Variants in IGDCC3 observed in about 807,000 individuals in gnomAD.
IGDCC3 encodes the protein immunoglobulin superfamily DCC subclass member 3.
IGDCC3 carries 47 observed loss-of-function variants against 72.0 expected under a neutral mutation model. That is an observed-to-expected ratio of 0.65 (90% CI 0.52 to 0.83). IGDCC3 has a LOEUF of 0.83. Ranked by LOEUF, IGDCC3 falls within the 40% of genes least tolerant of loss-of-function variation. The pLI is 0.00. For synonymous variants in IGDCC3, 477 were observed against 472.8 expected, an observed-to-expected ratio of 1.01 and a Z score of -0.11; for missense variants, 1,038 against 1,091.3, an observed-to-expected ratio of 0.95 and a Z score of 0.69.
chr15:65,339,803 T>C lies in IGDCC3; in HGVS notation c.410-3847A>G, dbSNP rs2091063529. The stretch of plus-strand genomic sequence containing the variant: ...GCACGTGACAGTGGTGCTGTGACTT[T>C]GGCTCTTGATGCTTTACACTCCTGC... On this transcript the variant is annotated intron_variant, in intron 2 of 13. Transcript: ENST00000327987. The surrounding 1 kb of genome is among the most constrained non-coding windows in gnomAD (Gnocchi z 4.1). 6.6e-6 allele frequency among the ~76,000 whole-genome samples: 1 copy of C among 152,242 alleles called. No homozygotes were observed. Among genetic ancestry groups the C allele is most frequent in the African/African-American group, 2.4e-5 (1 of 41,466 alleles).
At position 65,329,576 on chromosome 15, in the gene IGDCC3, C is replaced by T; in HGVS notation, c.2019G>A (p.Val673=). ...QRGRVLLCKD[V]ENQLSPPQGP... ...CCTGTGGAGGGGACAGCTGGTTTTC[C>T]ACATCTTTACACAGGAGGACCCTAA... The change falls in exon 13 of 14, where the codon GTG becomes GTA. Residue 673 remains valine, a synonymous_variant. Coordinates refer to ENST00000327987, the MANE Select transcript of IGDCC3 (RefSeq NM_004884.4). The surrounding 1 kb of genome is among the most constrained non-coding windows in gnomAD (Gnocchi z 4.1). 10 of 1,612,060 alleles carry T rather than the reference C, an allele frequency of 6.2e-6. No homozygotes were observed. Among genetic ancestry groups the T allele is most frequent in the Non-Finnish European group, 8.5e-6 (10 of 1,179,500 alleles).
chr15:65,375,355 C>T lies in IGDCC3; in HGVS notation c.151G>A (p.Asp51Asn). ...ATAGGCTGCCCGGGGACGGCAACAT[C>T]ATCACTTGGCTCCACAGCAAATGCC... Reference protein sequence around the residue: ...ELAFAVEPSDDVAVPGQPIVL... With the variant: ...ELAFAVEPSDNVAVPGQPIVL... The change falls in exon 2 of 14, where the codon GAT becomes AAT. Residue 51 changes from aspartate (D) to asparagine (N), a missense_variant. By Grantham distance (23) the Asp-to-Asn change is conservative (BLOSUM62 1). Coordinates refer to ENST00000327987, the MANE Select transcript of IGDCC3 (RefSeq NM_004884.4). The T allele has an allele frequency of 6.2e-7, 1 of 1,609,514 alleles. No individual in the cohort carries two copies. Among genetic ancestry groups the T allele is most frequent in the Non-Finnish European group, 8.5e-7 (1 of 1,176,248 alleles).
intron 2 of IGDCC3, among the ~76,000 whole-genome samples, chr15:65,348,487 G>A (rs1388248721): frequency 3.3e-5 from 5 of 152,146 alleles, no homozygotes; most frequent in African/African-American, 7.2e-5. Context: ...TGGAAGGGAC[G>A]ATACCGAGGA....
chr15:65,330,164 A>G, intron 11 of IGDCC3, 129 bp downstream of exon 11: 2 of 752,646 alleles, frequency 2.7e-6, no homozygotes, highest in Non-Finnish European at 4.5e-6. Context: ...TCACACAGCC[A>G]GCATGTGCAT....
intron 2 of IGDCC3, among the ~76,000 whole-genome samples, chr15:65,338,267 C>A (rs940667105): frequency 5.9e-5 from 9 of 152,236 alleles, no homozygotes; most frequent in Non-Finnish European, 1.3e-4. Context: ...CTGTACCTCT[C>A]GATCAGCTTG....
chr15:65,358,010 A>G (rs948017669), intron 2 of IGDCC3, among the ~76,000 whole-genome samples: 13 of 152,132 alleles, frequency 8.5e-5, no homozygotes, highest in Non-Finnish European at 1.5e-4. Flanking sequence ...CTCCACCTTC[A>G]GGATTCTAGG....
chr15:65,346,322 A>G (rs2091123480), intron 2 of IGDCC3, among the ~76,000 whole-genome samples: 2 of 152,246 alleles, frequency 1.3e-5, no homozygotes, highest in Admixed American at 6.5e-5. Flanking sequence ...GTGGGCCTGC[A>G]GGTCTATGCC....
intron 2 of IGDCC3, among the ~76,000 whole-genome samples, chr15:65,369,523 A>G (rs1053980058): frequency 6.6e-6 from 1 of 152,172 alleles, no homozygotes; most frequent in African/African-American, 2.4e-5. Context: ...AGGCCCTGAC[A>G]TGAGGGTAGG....
At chr15:65,361,883 C>T (rs1024555972) in intron 2 of IGDCC3, among the ~76,000 whole-genome samples, 1 of 152,168 alleles carries the variant, frequency 6.6e-6, no homozygotes, top group East Asian at 1.9e-4. Context: ...CTTCCGCGGC[C>T]GCCGCACTCT....
In IGDCC3 at chr15:65,375,386, A is replaced by C. The variant is rs666623; in HGVS notation, c.120T>G (p.Ala40=). The change falls in exon 2 of 14, where the codon GCT becomes GCG. Residue 40 remains alanine, a synonymous_variant. Coordinates refer to ENST00000327987, the MANE Select transcript of IGDCC3 (RefSeq NM_004884.4). ...PAPSEGLGHS[A]ELAFAVEPSD... ...TTGGCTCCACAGCAAATGCCAGTTC[A>C]GCAGAGTGGCCAAGACCTGCATTGG... 3.1e-6 allele frequency: 5 copies of C among 1,600,428 alleles called. No individual in the cohort carries two copies. Among genetic ancestry groups the C allele is most frequent in the Non-Finnish European group, 4.3e-6 (5 of 1,169,188 alleles).
At chr15:65,331,796 A>C in intron 7 of IGDCC3, 137 bp from the exon 8 acceptor site, 1 of 1,376,508 alleles carries the variant, frequency 7.3e-7, no homozygotes, top group Non-Finnish European at 9.9e-7. Flanking sequence ...TTGGTGGTGG[A>C]ACTGGGACTC....
intron 2 of IGDCC3, among the ~76,000 whole-genome samples, chr15:65,351,407 G>A (rs1399290965): frequency 6.6e-6 from 1 of 151,974 alleles, no homozygotes; most frequent in Admixed American, 6.6e-5. Flanking sequence ...GGTGGCGGGT[G>A]CCTGTAGTCC....
chr15:65,334,630 T>G, intron 5 of IGDCC3, 98 bp downstream of exon 5: 1 of 1,093,638 alleles, frequency 9.1e-7, no homozygotes, highest in Non-Finnish European at 1.3e-6. Context: ...ACAAACAGGA[T>G]TCCACATTCC....
chr15:65,377,091 T>C lies in IGDCC3; in HGVS notation c.103+595A>G, dbSNP rs1455065736. On this transcript the variant is annotated intron_variant, in intron 1 of 13. Coordinates refer to ENST00000327987, the MANE Select transcript of IGDCC3 (RefSeq NM_004884.4). The surrounding 1 kb of genome is among the most constrained non-coding windows in gnomAD (Gnocchi z 4.9). ...CGCTTTCGGTGGCTTCTCCTCTCCT[T>C]CTTGGCTCACGGGCTCTGTCCCGGG... Among the ~76,000 whole-genome samples the C allele has an allele frequency of 2.6e-5, 4 of 152,046 alleles. No individual in the cohort carries two copies. The highest frequency in any genetic ancestry group is 9.7e-5 in the African/African-American group (4 of 41,386).
At chr15:65,335,270 A>G (rs200206119) in intron 4 of IGDCC3, 21 bp downstream of exon 4, 119 of 1,592,682 alleles carry the variant, frequency 7.5e-5, no homozygotes, top group Non-Finnish European at 9.9e-5. Context: ...AGGTTGGGGG[A>G]AAGTGCTGAA....
chr15:65,374,341 C>T (rs1389653558), intron 2 of IGDCC3, among the ~76,000 whole-genome samples: 2 of 152,122 alleles, frequency 1.3e-5, no homozygotes, highest in African/African-American at 4.8e-5. Flanking sequence ...TTGGTTTATG[C>T]AACACACTCC....
chr15:65,328,719 C>A lies in IGDCC3; in HGVS notation c.*190G>T, dbSNP rs1387352618. 2.0e-5 allele frequency: 11 copies of A among 549,650 alleles called. No individual in the cohort carries two copies. The highest frequency in any genetic ancestry group is 3.1e-5 in the Non-Finnish European group (11 of 351,268). 34.0% of individuals were successfully genotyped at this position (549,650 alleles called of 1,614,324 possible). A position where few individuals can be genotyped will look rare whatever the true frequency, so the allele number is the denominator to read the frequency against. ...GGCTCCTGCAGGAACTGCTCCAACT[C>A]CTGATGGGTGTTAGGGCCGGGGGGT... On this transcript the variant is annotated 3_prime_UTR_variant, in exon 14 of 14. Coordinates refer to ENST00000327987, the MANE Select transcript of IGDCC3 (RefSeq NM_004884.4).
chr15:65,336,915 C>A (rs1228963193), intron 2 of IGDCC3, among the ~76,000 whole-genome samples: 1 of 152,204 alleles, frequency 6.6e-6, no homozygotes, highest in East Asian at 1.9e-4. Context: ...CACTTTGCTT[C>A]AAGTGCAGGA....
At chr15:65,358,620 G>A (rs987910112) in intron 2 of IGDCC3, among the ~76,000 whole-genome samples, 6 of 152,104 alleles carry the variant, frequency 3.9e-5, no homozygotes, top group South Asian at 2.1e-4. Context: ...AGGAGCCTCC[G>A]GGCCTAAATT....
Sources: gnomAD v4.1 joint callset for allele counts (sites outside exome capture counted in the v4.1 genomes callset) on GRCh38, gnomAD v4.1.1 for gene constraint, Gnocchi (gnomAD v3.1) non-coding constraint, MANE v1.5 for transcripts, NCBI Gene and HGNC (gene_info 2026-07-23, HGNC 2026-07-21) for gene names.